TTN: variants seen among roughly 807,000 people sequenced by gnomAD.
The protein encoded by TTN is titin.
A neutral mutation model predicts 3,223.0 loss-of-function variants in TTN; 1,525 were observed. That is an observed-to-expected ratio of 0.47 (90% CI 0.45 to 0.49). The LOEUF (loss-of-function observed/expected upper bound fraction) is 0.49. Among genes scored for constraint, TTN ranks in the 20% least tolerant of loss-of-function variants. The pLI, the probability that TTN is intolerant of heterozygous loss-of-function variation, is 0.00. For missense variants in TTN, 40,786 were observed against 43,424.0 expected (o/e 0.94, Z 5.40); for synonymous variants, 14,094 against 15,161.0 (o/e 0.93, Z 5.17).
At chr2:178,718,623 T>C (rs1241394662) in intron 84 of TTN, 23 bp from the exon 85 acceptor site, 1 of 1,604,146 alleles carries the variant, frequency 6.2e-7, no homozygotes, top group Non-Finnish European at 8.5e-7. Flanking sequence ...AACATGTGGG[T>C]AAAATTCTTG....
chr2:178,798,525 T>A (rs1187059697), intron 6 of TTN: 1 of 152,204 alleles, frequency 6.6e-6, no homozygotes, highest in African/African-American at 2.4e-5. Context: ...TTACTTACCA[T>A]CTGAATATAA....
At position 178,709,723 on chromosome 2, in the gene TTN, T is replaced by C. The variant is rs749485243; in HGVS notation, c.28596A>G (p.Ile9532Met). 6.2e-7 allele frequency: 1 copy of C among 1,613,926 alleles called. No individual in the cohort carries two copies. Among genetic ancestry groups the C allele is most frequent in the Admixed American group, 1.7e-5 (1 of 60,010 alleles). ...CACAGTTAGAAGTTGGTTGTATCTC[T>C]ATATTATTTTTGTACCAGGCAACAG... ...PITVAWYKNN[I>M]EIQPTSNCEI... is the part of the protein sequence containing the mutation. Residue 9532 changes from isoleucine to methionine, a missense_variant, in exon 99 of 363, where the codon ATA becomes ATG. Ile to Met is a conservative substitution (Grantham distance 10). Transcript: ENST00000589042.
At chr2:178,720,754 T>A in intron 79 of TTN, 91 bp from the exon 80 acceptor site, 4 of 1,404,036 alleles carry the variant, frequency 2.8e-6, no homozygotes, top group Non-Finnish European at 3.8e-6. Context: ...GTGACTGGTG[T>A]GATCATATGA....
Position 178,679,600 on chromosome 2 carries a change from T to C in TTN, c.33663A>G (p.Lys11221=), listed in dbSNP as rs2068859612. The C allele has an allele frequency of 6.2e-7, 1 of 1,609,628 alleles. No individual in the cohort carries two copies. The highest frequency in any genetic ancestry group is 1.7e-5 in the Admixed American group (1 of 59,072). The part of the protein sequence containing the change: ...VPKKKEAPPA[K]VPEVPKKPEE... ...ACCCGTCAATGAATGGTGGTGTACC[T>C]TTTGCCGGTGGAGCTTCCTTCTTCT... The change falls in exon 141 of 363, where the codon AAA becomes AAG. Residue 11221 remains lysine, a splice_region_variant and synonymous_variant. Transcript: ENST00000589042.
chr2:178,587,771 T>A lies in TTN; in HGVS notation c.63538A>T (p.Met21180Leu). 11 of 1,605,798 alleles carry A rather than the reference T, an allele frequency of 6.9e-6. No homozygotes were observed. In the South Asian group the frequency reaches 1.2e-4, roughly 18 times the overall value. ...EPPEIDLDAS[M>L]RKLVIVRAGC... Reference sequence around the variant, plus strand: ...GCTCTCACTATGACCAGTTTCCTCATGCTGGCATCCAAATCAATCTCCGGA... The same window carrying A: ...GCTCTCACTATGACCAGTTTCCTCAAGCTGGCATCCAAATCAATCTCCGGA... Residue 21180 changes from methionine to leucine, a missense_variant, in exon 306 of 363, where the codon ATG becomes TTG. Transcript: ENST00000589042.
At position 178,693,610 on chromosome 2, in the gene TTN, T is replaced by G; in HGVS notation, c.31593A>C (p.Lys10531Asn). Residue 10531 changes from lysine (K) to asparagine (N), a missense_variant and splice_region_variant, in exon 119 of 363, where the codon AAA becomes AAC. Lys to Asn is a moderately conservative substitution (Grantham distance 94). Coordinates refer to ENST00000589042, the MANE Select transcript of TTN (RefSeq NM_001267550.2). ...AISKRVEPPP[K>N]VPELPEKPAP... Reference sequence around the variant, plus strand: ...AAACTTAGAATGAATTACTAATACCTTTAGGTGGTGGTTCAACCCTTTTGG... The same window carrying G: ...AAACTTAGAATGAATTACTAATACCGTTAGGTGGTGGTTCAACCCTTTTGG... 6.3e-7 allele frequency: 1 copy of G among 1,584,992 alleles called. No individual in the cohort carries two copies.
At chr2:178,665,214 A>G (rs552811883) in intron 165 of TTN, among the ~76,000 whole-genome samples, 163 bp downstream of exon 165, 1 of 152,274 alleles carries the variant, frequency 6.6e-6, no homozygotes, top group East Asian at 1.9e-4. Flanking sequence ...AAACAGCCAT[A>G]AATAATTTCT....
rs778350547 is a variant in TTN, at chr2:178,563,484, C to T, written c.82648G>A (p.Ala27550Thr). 10 of 1,613,734 alleles carry T rather than the reference C, an allele frequency of 6.2e-6. No homozygotes were observed. The Admixed American group carries it at 1.3e-4, about 22-fold the overall frequency. The change falls in exon 326 of 363, where the codon GCT (alanine) becomes ACT (threonine). Residue 27550 changes from alanine (A) to threonine (T), a missense_variant. Coordinates refer to ENST00000589042, the MANE Select transcript of TTN (RefSeq NM_001267550.2). The surrounding 1 kb of genome is among the most constrained non-coding windows in gnomAD (Gnocchi z 4.5). ...GGCTCACTAGGTTCTCCCACACCAG[C>T]TGCATTTTCAGCAGCAACTCTGAAT... ...YEFRVAAENA[A>T]GVGEPSEPSV... is the part of the protein sequence containing the mutation.
chr2:178,604,248 A>T lies in TTN; in HGVS notation c.54439T>A (p.Tyr18147Asn). 6.3e-7 allele frequency: 1 copy of T among 1,581,518 alleles called. No homozygotes were observed. The change falls in exon 282 of 363, where the codon TAT (tyrosine) becomes AAT (asparagine). Residue 18147 changes from tyrosine to asparagine, a missense_variant. Physicochemically the swap from Tyr to Asn is moderately radical, Grantham distance 143 (BLOSUM62 -2). Coordinates refer to ENST00000589042, the MANE Select transcript of TTN (RefSeq NM_001267550.2). ...GATTTGCACTCATCACTGATTCCAT[A>T]TTTATTCACTGCCCTGACTCGGAAC... is the stretch of plus-strand genomic sequence containing the variant. ...YEFRVRAVNK[Y>N]GISDECKSDK...
chr2:178,734,423 A>G lies in TTN; in HGVS notation c.15401T>C (p.Ile5134Thr), dbSNP rs1362573029. The change falls in exon 52 of 363, where the codon ATC (isoleucine) becomes ACC (threonine). Residue 5134 changes from isoleucine (I) to threonine (T), a missense_variant. Physicochemically the swap from Ile to Thr is moderately conservative, Grantham distance 89. Coordinates refer to ENST00000589042, the MANE Select transcript of TTN (RefSeq NM_001267550.2). ...AACATCTGCACTATTAAACGAAAAG[A>G]TCTCCAGACACACAAGAGACTTCTG... ...FSQKSLVCLEIFSFNSADVGE... is the reference protein window; with the variant it reads ...FSQKSLVCLETFSFNSADVGE... 1 of 1,613,608 alleles carries G rather than the reference A, an allele frequency of 6.2e-7. No homozygotes were observed. The highest frequency in any genetic ancestry group is 8.5e-7 in the Non-Finnish European group (1 of 1,179,750).
Position 178,604,795 on chromosome 2 carries a change from G to A in TTN, c.54294C>T (p.Thr18098=). 1 of 1,612,216 alleles carries A rather than the reference G, an allele frequency of 6.2e-7. No individual in the cohort carries two copies. Among genetic ancestry groups the A allele is most frequent in the Non-Finnish European group, 8.5e-7 (1 of 1,178,962 alleles). The change falls in exon 281 of 363, where the codon ACC becomes ACT. Residue 18098 remains threonine (T), a synonymous_variant. Transcript: ENST00000589042. Reference sequence around the variant, plus strand: ...CATCACGTTTGTCAATAACATAATGGGTGATTTCACTGCCACCATTATCAA... The same window carrying A: ...CATCACGTTTGTCAATAACATAATGAGTGATTTCACTGCCACCATTATCAA... ...APLDNGGSEI[T]HYVIDKRDAS...
chr2:178,623,083 G>A (rs185935047), intron 242 of TTN, among the ~76,000 whole-genome samples: 1 of 151,940 alleles, frequency 6.6e-6, no homozygotes, highest in East Asian at 2.0e-4. Context: ...CATTTGCACT[G>A]CACCAGACTT....
Position 178,579,691 on chromosome 2 carries a change from T to A in TTN, c.67506A>T (p.Lys22502Asn). ...TTGCAGAGTACTGTAGGCTTAAGGA[T>A]TTCATAACTCGTTGCCACTTATTTT... ...TEENKWQRVM[K>N]SLSLQYSAKD... The change falls in exon 319 of 363, where the codon AAA (lysine) becomes AAT (asparagine). Residue 22502 changes from lysine to asparagine, a missense_variant. Transcript: ENST00000589042. 6.2e-7 allele frequency: 1 copy of A among 1,613,276 alleles called. No individual in the cohort carries two copies. The highest frequency in any genetic ancestry group is 8.5e-7 in the Non-Finnish European group (1 of 1,179,502).
chr2:178,583,205 A>G lies in TTN; in HGVS notation c.65598T>C (p.Ser21866=), dbSNP rs370897841. Residue 21866 remains serine, a synonymous_variant, in exon 313 of 363, where the codon AGT becomes AGC. Coordinates refer to ENST00000589042, the MANE Select transcript of TTN (RefSeq NM_001267550.2). ...AENVPPRIDL[S]VAMKSLLTVK... is the part of the protein sequence containing the mutation. ...CAGTAAGCAAAGATTTCATAGCCAC[A>G]CTCAGGTCTATCCTGGGAGGGACTG... is the stretch of plus-strand genomic sequence containing the variant. 1 of 1,606,952 alleles carries G rather than the reference A, an allele frequency of 6.2e-7. No individual in the cohort carries two copies. Among genetic ancestry groups the G allele is most frequent in the African/African-American group, 1.3e-5 (1 of 74,754 alleles).
rs371539720 is a variant in TTN, at chr2:178,559,478, C to A, written c.86654G>T (p.Arg28885Leu). 1 of 1,613,712 alleles carries A rather than the reference C, an allele frequency of 6.2e-7. No individual in the cohort carries two copies. The highest frequency in any genetic ancestry group is 8.5e-7 in the Non-Finnish European group (1 of 1,179,724). ...GACCCATGCTTTCTTGCTGGCCTCACGTTTTTCTATGTGGTAATTCTTCAC... is the reference window on the plus strand; with the variant it reads ...GACCCATGCTTTCTTGCTGGCCTCAAGTTTTTCTATGTGGTAATTCTTCAC... ...APVKNYHIEK[R>L]EASKKAWVSV... Residue 28885 changes from arginine (R) to leucine (L), a missense_variant, in exon 326 of 363, where the codon CGT becomes CTT. Arg to Leu is a moderately radical substitution (Grantham distance 102, BLOSUM62 -2). Transcript: ENST00000589042.
rs758233740 is a variant in TTN, at chr2:178,539,473, T to C, written c.98592A>G (p.Val32864=). ...CTGCTGAAACACGGAAATGGTATTC[T>C]ACATTCTCTTTGAGGCCTTTTACCA... ...SLVVKGLKEN[V]EYHFRVSAEN... is the part of the protein sequence containing the mutation. Residue 32864 remains valine (V), a synonymous_variant, in exon 352 of 363, where the codon GTA becomes GTG. Transcript: ENST00000589042. 4 of 1,613,890 alleles carry C rather than the reference T, an allele frequency of 2.5e-6. No homozygotes were observed. Among genetic ancestry groups the C allele is most frequent in the Non-Finnish European group, 3.4e-6 (4 of 1,179,804 alleles).
Position 178,590,189 on chromosome 2 carries a change from C to G in TTN, c.61536G>C (p.Lys20512Asn). The change falls in exon 304 of 363, where the codon AAG becomes AAC. Residue 20512 changes from lysine to asparagine, a missense_variant. Coordinates refer to ENST00000589042, the MANE Select transcript of TTN (RefSeq NM_001267550.2). ...GRPEPDITWT[K>N]EGKVLVREKR... is the part of the protein sequence containing the mutation. ...TTTCTCGGACCAATACTTTGCCTTC[C>G]TTAGTCCAAGTTATGTCTGGTTCAG... is the stretch of plus-strand genomic sequence containing the variant. 6.2e-7 allele frequency: 1 copy of G among 1,610,660 alleles called. No homozygotes were observed. Among genetic ancestry groups the G allele is most frequent in the Non-Finnish European group, 8.5e-7 (1 of 1,178,408 alleles).
chr2:178,568,478 A>G lies in TTN; in HGVS notation c.77654T>C (p.Ile25885Thr), dbSNP rs199514898. ...AGGATCAGGTTTATCTAGAGTTACA[A>G]TTTCGATGGATGCTGTCTTCTGACC... The part of the protein sequence containing the change: ...VVGQKTASIE[I>T]VTLDKPDPPK... Residue 25885 changes from isoleucine (I) to threonine (T), a missense_variant, in exon 326 of 363, where the codon ATT (isoleucine) becomes ACT (threonine). Ile to Thr is a moderately conservative substitution (Grantham distance 89). Transcript: ENST00000589042. The G allele has an allele frequency of 2.2e-4, 351 of 1,613,216 alleles. No homozygotes were observed. The highest frequency in any genetic ancestry group is 2.7e-4 in the Non-Finnish European group (323 of 1,179,582).
rs746143648 is a variant in TTN, at chr2:178,605,713, C to T, written c.53582G>A (p.Gly17861Asp). The change falls in exon 279 of 363, where the codon GGT becomes GAT. Residue 17861 changes from glycine to aspartate, a missense_variant and splice_region_variant. By Grantham distance (94) the Gly-to-Asp change is moderately conservative. Coordinates refer to ENST00000589042, the MANE Select transcript of TTN (RefSeq NM_001267550.2). ...IGPILAVDPLGPPTSPERLTY... is the reference protein window; with the variant it reads ...IGPILAVDPLDPPTSPERLTY... ...GAGCCTCTCTGGAGATGTTGGAGGACCTTTAGCCAGAGGCAAGTGAAAATG... is the reference window on the plus strand; with the variant it reads ...GAGCCTCTCTGGAGATGTTGGAGGATCTTTAGCCAGAGGCAAGTGAAAATG... 1 of 1,484,374 alleles carries T rather than the reference C, an allele frequency of 6.7e-7. No homozygotes were observed. Among genetic ancestry groups the T allele is most frequent in the Admixed American group, 2.2e-5 (1 of 44,476 alleles). The allele number at this position is 1,484,374 out of a possible 1,614,324, so 92.0% of individuals were successfully genotyped here.
Sources: allele counts gnomAD v4.1 joint callset (sites outside exome capture counted in the v4.1 genomes callset), GRCh38; gene constraint gnomAD v4.1.1; non-coding constraint Gnocchi (gnomAD v3.1); transcripts MANE v1.5; gene names NCBI Gene and HGNC (gene_info 2026-07-23, HGNC 2026-07-21).